The following YAP1 variants were observed in gnomAD, a reference collection of about 807,000 sequenced individuals.
The protein encoded by YAP1 is Yes1 associated transcriptional regulator.
In YAP1, 5 loss-of-function variants were observed where a neutral mutation model predicts 56.9. That is an observed-to-expected ratio of 0.09 (90% CI 0.05 to 0.18). The LOEUF is 0.18. Ranked by LOEUF, YAP1 falls within the 10% of genes least tolerant of loss-of-function variation. The probability of loss-of-function intolerance (pLI) is 1.00; values close to 1 mark genes in which losing one functional copy is unlikely to be tolerated. For synonymous variants in YAP1, 265 were observed against 248.1 expected (o/e 1.07, Z -0.64); for missense variants, 539 against 651.8 (o/e 0.83, Z 1.88).
chr11:102,118,297 G>A (rs1943419014), intron 2 of YAP1, among the ~76,000 whole-genome samples: 1 of 152,112 alleles, frequency 6.6e-6, no homozygotes, highest in Non-Finnish European at 1.5e-5. Context: ...TTTTGTGGCT[G>A]TGATTTGATT....
intron 7 of YAP1, among the ~76,000 whole-genome samples, chr11:102,226,467 A>G (rs1591477450): frequency 1.3e-5 from 2 of 152,324 alleles, no homozygotes; most frequent in East Asian, 3.9e-4. Flanking sequence ...TGCTTATTAA[A>G]TGTACAAGCC....
At chr11:102,139,497 TTTG>T (rs1944880632) in intron 2 of YAP1, among the ~76,000 whole-genome samples, 1 of 152,216 alleles carries the variant, frequency 6.6e-6, no homozygotes, top group African/African-American at 2.4e-5. Context: ...AGTTGCCTAC[TTTG>T]TAAAGAGCAA....
intron 4 of YAP1, among the ~76,000 whole-genome samples, chr11:102,192,411 T>C (rs1948341717): frequency 6.6e-6 from 1 of 152,248 alleles, no homozygotes; most frequent in Admixed American, 6.5e-5. Flanking sequence ...ACCTGTCATT[T>C]TCAATCTCCT....
chr11:102,221,403 T>A (rs1188579788), intron 6 of YAP1, among the ~76,000 whole-genome samples: 1 of 152,128 alleles, frequency 6.6e-6, no homozygotes, highest in Non-Finnish European at 1.5e-5. Flanking sequence ...ACTTGTGATA[T>A]AACGTGCTTC....
At chr11:102,209,184 G>A (rs762516406) in intron 5 of YAP1, among the ~76,000 whole-genome samples, 2 of 152,112 alleles carry the variant, frequency 1.3e-5, no homozygotes, top group Admixed American at 6.5e-5. Context: ...TCCCTTGACA[G>A]TTTATCTTAG....
chr11:102,133,791 A>G (rs529429742), intron 2 of YAP1, among the ~76,000 whole-genome samples: 1 of 152,310 alleles, frequency 6.6e-6, no homozygotes, highest in African/African-American at 2.4e-5. Context: ...CAGCTTGGGC[A>G]GCCATTAAAA....
At chr11:102,212,164 A>T (rs529247118) in intron 6 of YAP1, among the ~76,000 whole-genome samples, 1 of 152,300 alleles carries the variant, frequency 6.6e-6, no homozygotes, top group African/African-American at 2.4e-5. Flanking sequence ...TTTTTAACTT[A>T]TACTTTGTAA....
At chr11:102,161,828 CTATATG>C (rs1946309085) in intron 2 of YAP1, among the ~76,000 whole-genome samples, 1 of 152,108 alleles carries the variant, frequency 6.6e-6, no homozygotes, top group African/African-American at 2.4e-5. Context: ...ATTAAGAAAT[CTATATG>C]TATACATGTA....
chr11:102,127,275 C>G (rs966758202), intron 2 of YAP1, among the ~76,000 whole-genome samples: 3 of 152,212 alleles, frequency 2.0e-5, no homozygotes, highest in Non-Finnish European at 4.4e-5. Flanking sequence ...CAGCCCCTCC[C>G]ATCACAGGCC....
At chr11:102,193,932 G>A (rs1175450724) in intron 4 of YAP1, among the ~76,000 whole-genome samples, 2 of 150,894 alleles carry the variant, frequency 1.3e-5, no homozygotes, top group Non-Finnish European at 2.9e-5. Flanking sequence ...TCCGCCTCCC[G>A]AGTAGCTGGG....
intron 5 of YAP1, 111 bp from the exon 6 acceptor site, chr11:102,209,406 T>C: frequency 1.0e-6 from 1 of 964,396 alleles, no homozygotes; most frequent in Non-Finnish European, 1.6e-6. Flanking sequence ...CTTGGGTAGC[T>C]TGGGAATTCT....
In YAP1 at chr11:102,229,972, G is replaced by A. The variant is rs1346068788; in HGVS notation, c.*32G>A. Reference sequence around the variant, plus strand: ...CAGGCAGACTGAATTCTAAATCTGTGAAGGATCTAAGGAGACACATGCACC... The same window carrying A: ...CAGGCAGACTGAATTCTAAATCTGTAAAGGATCTAAGGAGACACATGCACC... On this transcript the variant is annotated 3_prime_UTR_variant, in exon 9 of 9. Coordinates refer to ENST00000282441, the MANE Select transcript of YAP1 (RefSeq NM_001130145.3). The A allele has an allele frequency of 1.6e-5, 25 of 1,592,976 alleles. No homozygotes were observed. Among genetic ancestry groups the A allele is most frequent in the Non-Finnish European group, 2.2e-5 (25 of 1,161,660 alleles).
Position 102,209,563 on chromosome 11 carries a change from A to G in YAP1, c.1031A>G (p.Gln344Arg). Residue 344 changes from glutamine to arginine, a missense_variant and splice_region_variant, in exon 6 of 9, where the codon CAG becomes CGG. This residue lies in a region of YAP1 where 414 missense variants were observed against 512.4 expected (regional missense o/e 0.81). Transcript: ENST00000282441. ...NPSTANSPKC[Q>R]ELALRSQLPT... is the part of the protein sequence containing the mutation. ...AGCACAGCAAATTCTCCAAAATGTC[A>G]GGTAGGCTCTTATCTGATGTTTTAG... The G allele has an allele frequency of 6.3e-7, 1 of 1,595,424 alleles. No individual in the cohort carries two copies. The highest frequency in any genetic ancestry group is 8.5e-7 in the Non-Finnish European group (1 of 1,174,236).
Position 102,180,109 on chromosome 11 carries a change from G to A in YAP1, c.689-5909G>A, listed in dbSNP as rs188166858. 5.4e-3 allele frequency among the ~76,000 whole-genome samples: 812 copies of A among 149,428 alleles called. 6 individuals are homozygous for A. Among genetic ancestry groups the A allele is most frequent in the African/African-American group, 0.019 (778 of 40,524 alleles). The stretch of plus-strand genomic sequence containing the variant: ...ACTGCAACCTCCAACTCCCGGGTAC[G>A]AGAGATTCTCCTGCCTCAGCCTCCC... On this transcript the variant is annotated intron_variant, in intron 3 of 8. Coordinates refer to ENST00000282441, the MANE Select transcript of YAP1 (RefSeq NM_001130145.3).
chr11:102,165,752 A>G (rs1415360544), intron 3 of YAP1, among the ~76,000 whole-genome samples: 1 of 152,218 alleles, frequency 6.6e-6, no homozygotes, highest in Non-Finnish European at 1.5e-5. Context: ...TCTTCACTGT[A>G]TGTTAACCAG....
At chr11:102,146,418 T>C (rs1834596) in intron 2 of YAP1, among the ~76,000 whole-genome samples, 89,241 of 152,094 alleles carry the variant, frequency 0.59, 26,955 homozygotes, top group South Asian at 0.74. Flanking sequence ...TGCACCTCTT[T>C]TACATGTTGT....
At chr11:102,113,900 G>T (rs1401085868) in intron 1 of YAP1, among the ~76,000 whole-genome samples, 2 of 151,754 alleles carry the variant, frequency 1.3e-5, no homozygotes, top group East Asian at 3.9e-4. Context: ...TGTGGACCAG[G>T]GGAAATTCAT....
chr11:102,211,397 G>C (rs1317456278), intron 6 of YAP1, among the ~76,000 whole-genome samples: 3 of 152,188 alleles, frequency 2.0e-5, no homozygotes, highest in African/African-American at 7.2e-5. Context: ...TAATTACTCA[G>C]ATTTGCCCAG....
Position 102,119,604 on chromosome 11 carries a change from C to A in YAP1, c.572+5210C>A, listed in dbSNP as rs1415707137. On this transcript the variant is annotated intron_variant, in intron 2 of 8. Coordinates refer to ENST00000282441, the MANE Select transcript of YAP1 (RefSeq NM_001130145.3). ...CTTTATCTTAGCCATTAAAAAAAAA[C>A]CCAAACATCTAGATAGCATTTAAAT... Among the ~76,000 whole-genome samples the A allele has an allele frequency of 5.3e-5, 8 of 150,118 alleles. No homozygotes were observed. The South Asian group carries it at 1.7e-3, about 32-fold the overall frequency.
Sources: allele counts gnomAD v4.1 joint callset (sites outside exome capture counted in the v4.1 genomes callset), GRCh38; gene constraint gnomAD v4.1.1; regional missense constraint gnomAD v4.1.1; transcripts MANE v1.5; gene names NCBI Gene and HGNC (gene_info 2026-07-23, HGNC 2026-07-21).